Variants in MYBBP1A observed in about 807,000 individuals in gnomAD.
The protein encoded by MYBBP1A is myb-binding protein 1A.
MYBBP1A carries 147 observed loss-of-function variants against 136.3 expected under a neutral mutation model. The ratio of observed to expected loss-of-function variants is 1.08; its 90% confidence interval spans 0.94 to 1.24. MYBBP1A has a LOEUF of 1.24. Among genes scored for constraint, MYBBP1A ranks in the 50% most tolerant of loss-of-function variants. The probability of loss-of-function intolerance (pLI) is 0.00; values close to 1 mark genes in which losing one functional copy is unlikely to be tolerated. For synonymous variants in MYBBP1A, 947 were observed against 735.8 expected (o/e 1.29, Z -4.65); for missense variants, 2,060 against 1,727.4 (o/e 1.19, Z -3.41).
At chr17:4,546,308 G>A (rs1032359653) in intron 13 of MYBBP1A, among the ~76,000 whole-genome samples, 11 of 152,136 alleles carry the variant, frequency 7.2e-5, no homozygotes, top group Admixed American at 1.3e-4. Flanking sequence ...GAGTAGAGAC[G>A]GGGTTTCACC....
chr17:4,544,724 G>A (rs758564590), intron 18 of MYBBP1A, 27 bp downstream of exon 18: 10 of 1,509,912 alleles, frequency 6.6e-6, no homozygotes, highest in South Asian at 2.5e-5. Context: ...GGAGGCGGGG[G>A]TGGGTGCGGC....
intron 17 of MYBBP1A, 45 bp downstream of exon 17, chr17:4,544,981 C>T: frequency 1.3e-6 from 2 of 1,520,748 alleles, no homozygotes; most frequent in Non-Finnish European, 1.8e-6. Context: ...CATGGGGACA[C>T]CCGAGCCCTC....
intron 9 of MYBBP1A, among the ~76,000 whole-genome samples, chr17:4,549,669 G>A (rs1276713046): frequency 1.3e-5 from 2 of 151,556 alleles, no homozygotes; most frequent in African/African-American, 2.4e-5. Flanking sequence ...CCCAGCTACT[G>A]GAGAGGCTGA....
intron 2 of MYBBP1A, 81 bp from the exon 3 acceptor site, chr17:4,554,359 C>T: frequency 8.1e-7 from 1 of 1,237,510 alleles, no homozygotes; most frequent in Non-Finnish European, 1.2e-6. Flanking sequence ...ACCTCCCTTC[C>T]CCCTTCAACT....
chr17:4,542,928 C>T lies in MYBBP1A; in HGVS notation c.2877G>A (p.Met959Ile), dbSNP rs775032351. 1.9e-5 allele frequency: 31 copies of T among 1,613,858 alleles called. No homozygotes were observed. The highest frequency in any genetic ancestry group is 2.4e-5 in the Non-Finnish European group (28 of 1,179,996). ...KQKAGTDPSHMPTGPQAASCL... is the reference protein window; with the variant it reads ...KQKAGTDPSHIPTGPQAASCL... ...CCCTGCTCACCTGCGGGCCCGTGGG[C>T]ATGTGGCTGGGGTCAGTGCCAGCTT... Residue 959 changes from methionine to isoleucine, a missense_variant, in exon 20 of 26, where the codon ATG becomes ATA. Physicochemically the swap from Met to Ile is conservative, Grantham distance 10. Coordinates refer to ENST00000254718, the MANE Select transcript of MYBBP1A (RefSeq NM_014520.4).
intron 8 of MYBBP1A, 101 bp from the exon 9 acceptor site, chr17:4,550,454 A>C (rs1907415302): frequency 7.3e-7 from 1 of 1,378,602 alleles, no homozygotes; most frequent in South Asian, 1.4e-5. Context: ...CCAACAGCCC[A>C]ACAGCCCGGG....
Position 4,543,033 on chromosome 17 carries a change from G to T in MYBBP1A, c.2772C>A (p.Phe924Leu). 1.9e-6 allele frequency: 3 copies of T among 1,613,834 alleles called. No individual in the cohort carries two copies. Among genetic ancestry groups the T allele is most frequent in the Non-Finnish European group, 2.5e-6 (3 of 1,179,974 alleles). The change falls in exon 20 of 26, where the codon TTC becomes TTA. Residue 924 changes from phenylalanine to leucine, a missense_variant. Transcript: ENST00000254718. ...CCCGGAGCAGGTAGAGAGAGGCGTT[G>T]AAGTGGTAGAGGGCGGTGGGGGAGT... ...QPDSPTALYH[F>L]NASLYLLRVL...
intron 19 of MYBBP1A, 129 bp from the exon 20 acceptor site, chr17:4,543,294 C>T (rs999410954): frequency 1.5e-6 from 2 of 1,329,906 alleles, no homozygotes; most frequent in Admixed American, 2.8e-5. Flanking sequence ...GCGACCCAGG[C>T]CACAGAGGAG....
At chr17:4,549,526 C>T (rs1487665163) in intron 9 of MYBBP1A, 84 bp from the exon 10 acceptor site, 6 of 1,284,122 alleles carry the variant, frequency 4.7e-6, no homozygotes, top group Non-Finnish European at 6.5e-6. Flanking sequence ...CCTGTAATCC[C>T]AGCACTTTGG....
chr17:4,555,009 C>G, intron 1 of MYBBP1A, 53 bp from the exon 2 acceptor site: 1 of 1,602,088 alleles, frequency 6.2e-7, no homozygotes, highest in Non-Finnish European at 8.5e-7. Context: ...GGTGCACGCC[C>G]CCGCGCACCC....
Position 4,541,454 on chromosome 17 carries a change from C to T in MYBBP1A, c.3297+9G>A, listed in dbSNP as rs374738019. 4.0e-5 allele frequency: 65 copies of T among 1,611,636 alleles called. No homozygotes were observed. In the South Asian group the frequency reaches 6.7e-4, roughly 17 times the overall value. ...CCGAACACGACCGCGGACTGGGCCC[C>T]CGCCTCACCTCATGTTTGCAGGTCC... On this transcript the variant is annotated intron_variant, in intron 24 of 25. Transcript: ENST00000254718.
At position 4,552,679 on chromosome 17, in the gene MYBBP1A, G is replaced by A; in HGVS notation, c.562-53C>T. 1 of 1,562,722 alleles carries A rather than the reference G, an allele frequency of 6.4e-7. No homozygotes were observed. The highest frequency in any genetic ancestry group is 8.7e-7 in the Non-Finnish European group (1 of 1,145,794). ...ACTTCCTCTGCGGGGTGAGCCTGGT[G>A]GATCCTGTTCTACCTGCTCCTGACA... is the stretch of plus-strand genomic sequence containing the variant. On this transcript the variant is annotated intron_variant, in intron 5 of 25. Transcript: ENST00000254718. The surrounding 1 kb of genome is among the most constrained non-coding windows in gnomAD (Gnocchi z 4.7).
rs1450045835 is a variant in MYBBP1A at position 4,539,100 on chromosome 17, GT to G, written c.*314del. 4.0e-6 allele frequency: 6 copies of G among 1,508,252 alleles called. No individual in the cohort carries two copies. Among genetic ancestry groups the G allele is most frequent in the Non-Finnish European group, 5.4e-6 (6 of 1,111,698 alleles). The allele number at this position is 1,508,252 out of a possible 1,614,324, so 93.4% of individuals were successfully genotyped here. A position where few individuals can be genotyped will look rare whatever the true frequency, so the allele number is the denominator to read the frequency against. ...AAAGAGGTGGCAGGCACGAGAGATG[GT>G]CACACCTGCCTGCAGCCAGCACATC... On this transcript the variant is annotated 3_prime_UTR_variant, in exon 26 of 26. Coordinates refer to ENST00000254718, the MANE Select transcript of MYBBP1A (RefSeq NM_014520.4).
chr17:4,540,548 G>A (rs1458775737), intron 24 of MYBBP1A, 64 bp from the exon 25 acceptor site: 10 of 1,494,430 alleles, frequency 6.7e-6, no homozygotes, highest in African/African-American at 1.4e-5. Flanking sequence ...CGGGCTCCCA[G>A]TCTTCCCACC....
chr17:4,554,833 T>C, intron 2 of MYBBP1A, 28 bp downstream of exon 2: 1 of 1,609,072 alleles, frequency 6.2e-7, no homozygotes, highest in Non-Finnish European at 8.5e-7. Flanking sequence ...CCTGGATGGC[T>C]GGGACCCTGC....
Position 4,544,745 on chromosome 17 carries a change from G to C in MYBBP1A, c.2481+6C>G, listed in dbSNP as rs1302349171. The stretch of plus-strand genomic sequence containing the variant: ...GGGGGTGGGTGCGGCCCGCCCCCAG[G>C]CTCACCCGGATCTGGAAGTCGCGCC... On this transcript the variant is annotated splice_donor_region_variant and intron_variant, in intron 18 of 25. Coordinates refer to ENST00000254718, the MANE Select transcript of MYBBP1A (RefSeq NM_014520.4). The C allele has an allele frequency of 6.5e-7, 1 of 1,549,166 alleles. No individual in the cohort carries two copies. The highest frequency in any genetic ancestry group is 1.4e-5 in the African/African-American group (1 of 73,630).
intron 19 of MYBBP1A, among the ~76,000 whole-genome samples, chr17:4,543,750 G>GGTC (rs1906685536): frequency 6.6e-6 from 1 of 152,174 alleles, no homozygotes; most frequent in African/African-American, 2.4e-5. Flanking sequence ...TCTGAAGGCA[G>GGTC]GTCTACCAGG....
rs200093646 is a variant in MYBBP1A at position 4,543,177 on chromosome 17, G to T, written c.2640-12C>A. On this transcript the variant is annotated splice_polypyrimidine_tract_variant and intron_variant, in intron 19 of 25. Transcript: ENST00000254718. ...GGCACAGGTGGTGCCTGTGGGTGGT[G>T]AGGACGAGAGCTGGTCAGAACATTC... 2 of 1,595,408 alleles carry T rather than the reference G, an allele frequency of 1.3e-6. No homozygotes were observed. The highest frequency in any genetic ancestry group is 1.7e-5 in the Admixed American group (1 of 59,462).
Position 4,549,645 on chromosome 17 carries a change from C to T in MYBBP1A, c.1320-203G>A, listed in dbSNP as rs1170479078. On this transcript the variant is annotated intron_variant, in intron 9 of 25. Transcript: ENST00000254718. ...TACAAAAATTAGCTGGGTGTGGTGG[C>T]GGGTGCCTGTAGTCCCAGCTACTGG... Among the ~76,000 whole-genome samples, 25 of 151,914 alleles carry T rather than the reference C, an allele frequency of 1.6e-4. 1 individual carries two copies. The highest frequency in any genetic ancestry group is 1.5e-3 in the Admixed American group (23 of 15,250).
Sources: gnomAD v4.1 joint callset for allele counts (sites outside exome capture counted in the v4.1 genomes callset) on GRCh38, gnomAD v4.1.1 for gene constraint, Gnocchi (gnomAD v3.1) non-coding constraint, MANE v1.5 for transcripts, NCBI Gene and HGNC (gene_info 2026-07-23, HGNC 2026-07-21) for gene names.